Variants in EEIG2 observed in about 807,000 individuals in gnomAD.
The protein encoded by EEIG2 is EEIG family member 2, also known as family with sequence similarity 102 member B.
chr1:108,560,537 G>A, the EEIG2 span: 1 of 1,611,460 alleles, frequency 6.2e-7, no homozygotes, highest in Non-Finnish European at 8.5e-7. Flanking sequence ...GCTGCTGGAC[G>A]GCGGCAGCTT....
At chr1:108,574,937 C>T in the EEIG2 span, among the ~76,000 whole-genome samples, 1 of 152,168 alleles carries the variant, frequency 6.6e-6, no homozygotes, top group Admixed American at 6.5e-5. Context: ...AATTTAGGAA[C>T]ATTTCATTAT....
the EEIG2 span, among the ~76,000 whole-genome samples, chr1:108,632,384 TTTC>T: frequency 1.1e-4 from 17 of 152,122 alleles, no homozygotes; most frequent in Non-Finnish European, 2.1e-4. Context: ...CATAACAAAG[TTTC>T]TTCTTCTCAT....
chr1:108,638,426 A>C, the EEIG2 span: 1 of 152,248 alleles, frequency 6.6e-6, no homozygotes, highest in African/African-American at 2.4e-5. Context: ...TCAGATTTCT[A>C]TGCTGACTAG....
chr1:108,624,375 T>C, the EEIG2 span, among the ~76,000 whole-genome samples: 7 of 150,534 alleles, frequency 4.7e-5, no homozygotes, highest in East Asian at 1.4e-3. Context: ...GGGTTCACAC[T>C]GACAGAGGCC....
chr1:108,560,373 A>G, the EEIG2 span: 9 of 1,458,422 alleles, frequency 6.2e-6, no homozygotes, highest in African/African-American at 1.3e-4. Flanking sequence ...GGCTCGGCCA[A>G]GCTGAGGCGG....
chr1:108,595,804 C>T, the EEIG2 span, among the ~76,000 whole-genome samples: 2 of 152,010 alleles, frequency 1.3e-5, no homozygotes, highest in African/African-American at 2.4e-5. Context: ...CATGCCTAAT[C>T]GTATATGTTA....
chr1:108,632,757 TTTA>T, the EEIG2 span, among the ~76,000 whole-genome samples: 1 of 147,070 alleles, frequency 6.8e-6, no homozygotes, highest in South Asian at 2.1e-4. Context: ...AAGCCCTGGC[TTTA>T]TTAATTTAGG....
chr1:108,563,183 C>T, the EEIG2 span, among the ~76,000 whole-genome samples: 5 of 152,174 alleles, frequency 3.3e-5, no homozygotes, highest in Middle Eastern at 3.2e-3. Context: ...CAAAACTTTA[C>T]GTAAATGATA....
chr1:108,593,982 T>A, the EEIG2 span, among the ~76,000 whole-genome samples: 1 of 151,862 alleles, frequency 6.6e-6, no homozygotes, highest in Non-Finnish European at 1.5e-5. Context: ...ATTTTTATAT[T>A]TTTTTTGTAG....
At chr1:108,574,530 C>G in the EEIG2 span, among the ~76,000 whole-genome samples, 1 of 152,278 alleles carries the variant, frequency 6.6e-6, no homozygotes, top group East Asian at 1.9e-4. Flanking sequence ...GCAGGCAGAT[C>G]GCCTGAGATC....
the EEIG2 span, among the ~76,000 whole-genome samples, chr1:108,622,640 C>T: frequency 1.3e-5 from 2 of 152,250 alleles, no homozygotes; most frequent in Admixed American, 6.5e-5. Context: ...TTGAGTTTCA[C>T]GTACCTGTAG....
the EEIG2 span, among the ~76,000 whole-genome samples, chr1:108,581,432 C>T: frequency 6.6e-6 from 1 of 152,104 alleles, no homozygotes; most frequent in Admixed American, 6.5e-5. Flanking sequence ...ATAGTGATTC[C>T]TCTGATGGAC....
the EEIG2 span, among the ~76,000 whole-genome samples, chr1:108,590,877 CA>C: frequency 6.6e-6 from 1 of 151,868 alleles, no homozygotes; most frequent in Non-Finnish European, 1.5e-5. Flanking sequence ...ACAGTAGTCA[CA>C]AAAAAATGGA....
chr1:108,566,879 T>C, the EEIG2 span, among the ~76,000 whole-genome samples: 1 of 152,110 alleles, frequency 6.6e-6, no homozygotes, highest in African/African-American at 2.4e-5. Context: ...CTGTTGGTCA[T>C]AGGGCACAAA....
chr1:108,635,640 AC>A, the EEIG2 span: 1 of 153,184 alleles, frequency 6.5e-6, no homozygotes, highest in Non-Finnish European at 1.5e-5. Flanking sequence ...CTATTACACT[AC>A]CTACAGCATT....
At chr1:108,602,873 CA>C in the EEIG2 span, among the ~76,000 whole-genome samples, 140,481 of 149,770 alleles carry the variant, frequency 0.94, 66,241 homozygotes, top group Middle Eastern at 0.99. Context: ...TACCCTGTCT[CA>C]AAAAAAAAAA....
chr1:108,635,330 C>G, the EEIG2 span: 3 of 690,492 alleles, frequency 4.3e-6, no homozygotes, highest in African/African-American at 5.4e-5. Flanking sequence ...AGGGGAACAT[C>G]TACATGGCAG....
At chr1:108,565,162 G>T in the EEIG2 span, among the ~76,000 whole-genome samples, 3 of 152,212 alleles carry the variant, frequency 2.0e-5, no homozygotes, top group East Asian at 5.8e-4. Flanking sequence ...CGATTATGGT[G>T]GTCTATTCAA....
the EEIG2 span, among the ~76,000 whole-genome samples, chr1:108,571,470 A>G: frequency 6.6e-6 from 1 of 152,182 alleles, no homozygotes; most frequent in African/African-American, 2.4e-5. Flanking sequence ...GTTGGGAGAG[A>G]GAGGAGCAAC....
Sources: allele counts gnomAD v4.1 joint callset (sites outside exome capture counted in the v4.1 genomes callset), GRCh38; gene constraint gnomAD v4.1.1; transcripts MANE v1.5; gene names NCBI Gene and HGNC (gene_info 2026-07-23, HGNC 2026-07-21).